Variants in CFAP61 observed in about 807,000 individuals in gnomAD.
CFAP61 encodes the protein cilia- and flagella-associated protein 61.
Under a neutral mutation model 135.6 loss-of-function variants are expected in CFAP61, and 107 were observed. The observed-to-expected ratio is 0.79, with a 90% CI of 0.67 to 0.93. CFAP61 has a LOEUF of 0.93. Ranked by LOEUF, CFAP61 falls within the 40% of genes least tolerant of loss-of-function variation. CFAP61 has a pLI of 0.00. For missense variants in CFAP61, 1,507 were observed against 1,556.2 expected (o/e 0.97, Z 0.53); for synonymous variants, 575 against 578.5 (o/e 0.99, Z 0.09).
chr20:20,101,452 T>C (rs1428180218), intron 8 of CFAP61, among the ~76,000 whole-genome samples: 1 of 152,156 alleles, frequency 6.6e-6, no homozygotes, highest in Non-Finnish European at 1.5e-5. Context: ...CTTTTAAAGC[T>C]CATCAGTGGC....
At chr20:20,109,490 G>A (rs1305213204) in intron 8 of CFAP61, among the ~76,000 whole-genome samples, 1 of 152,118 alleles carries the variant, frequency 6.6e-6, no homozygotes, top group African/African-American at 2.4e-5. Context: ...TTGAGCTGGT[G>A]TCAGCCTCTG....
At chr20:20,219,316 T>TG (rs2146932216) in intron 17 of CFAP61, among the ~76,000 whole-genome samples, 1 of 152,316 alleles carries the variant, frequency 6.6e-6, no homozygotes, top group Admixed American at 6.5e-5. Flanking sequence ...TCTAGAATAT[T>TG]GATTTTATCC....
intron 13 of CFAP61, among the ~76,000 whole-genome samples, chr20:20,186,650 T>A (rs1353439810): frequency 6.6e-6 from 1 of 152,236 alleles, no homozygotes; most frequent in Non-Finnish European, 1.5e-5. Context: ...AAATTGCTCA[T>A]AAACATTAAG....
At chr20:20,201,981 A>T (rs1374074129) in intron 17 of CFAP61, among the ~76,000 whole-genome samples, 3 of 80,134 alleles carry the variant, frequency 3.7e-5, no homozygotes, top group Non-Finnish European at 7.8e-5. Flanking sequence ...CCTCCCTCCC[A>T]CCCTACTGTG....
intron 19 of CFAP61, among the ~76,000 whole-genome samples, chr20:20,248,861 T>C (rs1347604933): frequency 6.6e-6 from 1 of 152,198 alleles, no homozygotes; most frequent in African/African-American, 2.4e-5. Context: ...CTATGCCCTC[T>C]TCCAGGAATT....
chr20:20,212,446 G>A (rs541376463), intron 17 of CFAP61, among the ~76,000 whole-genome samples: 4 of 152,240 alleles, frequency 2.6e-5, no homozygotes, highest in Non-Finnish European at 2.9e-5. Flanking sequence ...TTCCTGGTGC[G>A]GTGGGAGACA....
chr20:20,126,959 A>C (rs1446062532), intron 8 of CFAP61, among the ~76,000 whole-genome samples: 1 of 151,380 alleles, frequency 6.6e-6, no homozygotes, highest in Non-Finnish European at 1.5e-5. Context: ...TAATTCGAAG[A>C]TGTTGTCTTT....
chr20:20,214,023 A>G (rs1203296603), intron 17 of CFAP61, among the ~76,000 whole-genome samples: 1 of 151,868 alleles, frequency 6.6e-6, no homozygotes, highest in East Asian at 1.9e-4. Context: ...GGAGTTATTC[A>G]TTGATTCTTT....
At chr20:20,330,459 C>G (rs1195123151) in intron 25 of CFAP61, among the ~76,000 whole-genome samples, 1 of 152,140 alleles carries the variant, frequency 6.6e-6, no homozygotes, top group Non-Finnish European at 1.5e-5. Flanking sequence ...CCTCAGTCTC[C>G]TGAGTAGTTG....
At chr20:20,308,316 A>G (rs916851940) in intron 25 of CFAP61, among the ~76,000 whole-genome samples, 15 of 152,156 alleles carry the variant, frequency 9.9e-5, no homozygotes, top group African/African-American at 3.6e-4. Flanking sequence ...TAGCTATCAG[A>G]TGCGTGCTCA....
rs576485951 is a variant in CFAP61 at position 20,233,042 on chromosome 20, C to T, written c.2060+4666C>T. 4.6e-5 allele frequency: 7 copies of T among 152,282 alleles called. No homozygotes were observed. The South Asian group carries it at 1.0e-3, about 23-fold the overall frequency. 9.4% of individuals were successfully genotyped at this position (152,282 alleles called of 1,614,324 possible). A position where few individuals can be genotyped will look rare whatever the true frequency, so the allele number is the denominator to read the frequency against. ...GATCCCCTCATCTGGTTGAATGTGTCGAGGTAACTAAGAATAGCTTGGACC... is the reference window on the plus strand; with the variant it reads ...GATCCCCTCATCTGGTTGAATGTGTTGAGGTAACTAAGAATAGCTTGGACC... On this transcript the variant is annotated intron_variant, in intron 18 of 26. Transcript: ENST00000245957.
chr20:20,147,781 T>G (rs2424280), intron 9 of CFAP61, among the ~76,000 whole-genome samples: 137,152 of 152,114 alleles, frequency 0.9, 62,649 homozygotes, highest in Middle Eastern at 0.98. Flanking sequence ...TTTGTTTTTT[T>G]TTTTGCATTT....
intron 25 of CFAP61, among the ~76,000 whole-genome samples, chr20:20,314,610 T>A (rs1324603281): frequency 9.5e-5 from 14 of 147,434 alleles, no homozygotes; most frequent in African/African-American, 3.5e-4. Flanking sequence ...TATGTATACA[T>A]GTGCCATGCT....
At chr20:20,250,927 C>G (rs2050834618) in intron 19 of CFAP61, among the ~76,000 whole-genome samples, 1 of 152,216 alleles carries the variant, frequency 6.6e-6, no homozygotes, top group Non-Finnish European at 1.5e-5. Flanking sequence ...GAATGGCCGC[C>G]CTGGGCCTGC....
chr20:20,079,525 C>A (rs2046287884), intron 6 of CFAP61, among the ~76,000 whole-genome samples: 1 of 152,068 alleles, frequency 6.6e-6, no homozygotes, highest in Admixed American at 6.6e-5. Context: ...AGAAACCTAC[C>A]TGCAGATGCT....
At chr20:20,342,064 G>A (rs1003461821) in intron 26 of CFAP61, 143 bp downstream of exon 26, 1 of 555,562 alleles carries the variant, frequency 1.8e-6, no homozygotes, top group Non-Finnish European at 3.2e-6. Flanking sequence ...ACAAACTGCG[G>A]AGCATGTAAA....
At chr20:20,201,388 C>T (rs2056613248) in intron 17 of CFAP61, among the ~76,000 whole-genome samples, 1 of 152,224 alleles carries the variant, frequency 6.6e-6, no homozygotes, top group Non-Finnish European at 1.5e-5. Context: ...GCCCCCACCA[C>T]TTCCCCTTTC....
At chr20:20,290,454 A>C in intron 24 of CFAP61, 63 bp downstream of exon 24, 1 of 1,134,112 alleles carries the variant, frequency 8.8e-7, no homozygotes, top group Non-Finnish European at 1.3e-6. Flanking sequence ...TAAGAGGATG[A>C]AATTCTTTAC....
chr20:20,058,804 T>TCTTC (rs1253664364), intron 2 of CFAP61, among the ~76,000 whole-genome samples: 1 of 152,108 alleles, frequency 6.6e-6, no homozygotes, highest in Non-Finnish European at 1.5e-5. Flanking sequence ...AAATCAAGTG[T>TCTTC]GAAGGGATGC....
Sources: allele counts gnomAD v4.1 joint callset (sites outside exome capture counted in the v4.1 genomes callset), GRCh38; gene constraint gnomAD v4.1.1; transcripts MANE v1.5; gene names NCBI Gene and HGNC (gene_info 2026-07-23, HGNC 2026-07-21).